The following CNGA3 variants were observed in gnomAD, a reference collection of about 807,000 sequenced individuals.
CNGA3 encodes the protein cyclic nucleotide-gated channel alpha-3.
In CNGA3, 42 loss-of-function variants were observed where a neutral mutation model predicts 46.6. That is an observed-to-expected ratio of 0.90 (90% CI 0.70 to 1.17). The LOEUF is 1.17. CNGA3 is among the 50% of genes most tolerant of loss of function. The pLI, the probability that CNGA3 is intolerant of heterozygous loss-of-function variation, is 0.00. For missense variants in CNGA3, 893 were observed against 890.7 expected, an observed-to-expected ratio of 1.00 and a Z score of -0.03; for synonymous variants, 394 against 369.4, an observed-to-expected ratio of 1.07 and a Z score of -0.76.
At chr2:98,368,089 T>C (rs1692203387) in intron 1 of CNGA3, among the ~76,000 whole-genome samples, 2 of 152,248 alleles carry the variant, frequency 1.3e-5, no homozygotes, top group African/African-American at 2.4e-5. Flanking sequence ...ATAAAGTGTT[T>C]AAAAATCAAA....
chr2:98,377,883 T>C (rs1210264131), intron 3 of CNGA3, 83 bp downstream of exon 3: 5 of 1,366,120 alleles, frequency 3.7e-6, no homozygotes, highest in Admixed American at 4.3e-5. Flanking sequence ...GAAAAAGTGC[T>C]AGATGGGGGT....
rs1166812591 is a variant in CNGA3 at position 98,378,156 on chromosome 2, A to G, written c.215+356A>G. The stretch of plus-strand genomic sequence containing the variant: ...GGGTGGACACAGTGGTGTGCTGAGG[A>G]TGGTGGTGATGAGTCTGAAATGGCT... On this transcript the variant is annotated intron_variant, in intron 3 of 7. Transcript: ENST00000272602. 2.6e-6 allele frequency: 4 copies of G among 1,550,668 alleles called. No homozygotes were observed. The South Asian group carries it at 3.6e-5, about 14-fold the overall frequency.
chr2:98,376,771 G>A (rs1692413856), intron 2 of CNGA3, among the ~76,000 whole-genome samples: 1 of 152,206 alleles, frequency 6.6e-6, no homozygotes, highest in Admixed American at 6.5e-5. Flanking sequence ...AAGACTCATA[G>A]ACTGAAGTGC....
chr2:98,391,735 C>A, intron 6 of CNGA3, 129 bp from the exon 7 acceptor site: 1 of 808,790 alleles, frequency 1.2e-6, no homozygotes, highest in Non-Finnish European at 2.1e-6. Flanking sequence ...GAGGTAGTGA[C>A]ACCGCAGGCA....
At chr2:98,372,909 C>T (rs982403055) in intron 2 of CNGA3, among the ~76,000 whole-genome samples, 2 of 152,200 alleles carry the variant, frequency 1.3e-5, no homozygotes, top group Non-Finnish European at 2.9e-5. Context: ...ACTCAGGTCT[C>T]GGCCCCACCC....
chr2:98,369,854 G>A (rs1164382682), intron 1 of CNGA3, 85 bp from the exon 2 acceptor site: 13 of 823,992 alleles, frequency 1.6e-5, no homozygotes, highest in East Asian at 7.9e-5. Flanking sequence ...GGGGGGCCGC[G>A]TGCGGTAGCC....
At chr2:98,378,087 C>T (rs764816629) in intron 3 of CNGA3, 59 of 1,550,718 alleles carry the variant, frequency 3.8e-5, no homozygotes, top group African/African-American at 1.1e-4. Context: ...AAAAGCCAAC[C>T]GGAGAAGGTG....
Position 98,396,502 on chromosome 2 carries a change from G to A in CNGA3, c.1332G>A (p.Leu444=), listed in dbSNP as rs765904277. The A allele has an allele frequency of 6.2e-6, 10 of 1,613,962 alleles. 1 individual carries two copies. The South Asian group carries it at 1.1e-4, about 18-fold the overall frequency. ...GGGTTATCCGGTGGTTTGACTACCT[G>A]TGGGCCAACAAGAAGACGGTGGATG... ...ETRVIRWFDY[L]WANKKTVDEK... Residue 444 remains leucine, a synonymous_variant, in exon 8 of 8, where the codon CTG becomes CTA. Transcript: ENST00000272602.
intron 4 of CNGA3, among the ~76,000 whole-genome samples, chr2:98,381,380 G>A (rs576292391): frequency 1.3e-5 from 2 of 152,276 alleles, no homozygotes; most frequent in Admixed American, 6.5e-5. Context: ...CTATCTGTAT[G>A]TCAATGAGGA....
intron 5 of CNGA3, 122 bp from the exon 6 acceptor site, chr2:98,389,536 G>GA: frequency 1.2e-6 from 1 of 846,244 alleles, no homozygotes; most frequent in Non-Finnish European, 2.0e-6. Flanking sequence ...GAGACTAAGA[G>GA]GACCCTGTTG....
At chr2:98,352,562 A>G (rs1409743993) in intron 1 of CNGA3, among the ~76,000 whole-genome samples, 7 of 152,158 alleles carry the variant, frequency 4.6e-5, no homozygotes, top group Admixed American at 4.6e-4. Flanking sequence ...TGTATGTATC[A>G]TCTTGCCTGG....
chr2:98,383,185 C>T lies in CNGA3; in HGVS notation c.396-203C>T, dbSNP rs149609488. ...GTTTAGCCATGTTCACTCTCTCTTC[C>T]CCCAAGGCTTTTACCCGAGGTAACT... On this transcript the variant is annotated intron_variant, in intron 4 of 7. Transcript: ENST00000272602. Among the ~76,000 whole-genome samples the T allele has an allele frequency of 4.8e-3, 727 of 152,302 alleles. 4 individuals carry two copies. The highest frequency in any genetic ancestry group is 0.017 in the African/African-American group (689 of 41,558).
At chr2:98,379,046 C>T (rs1457820674) in intron 3 of CNGA3, among the ~76,000 whole-genome samples, 1 of 152,226 alleles carries the variant, frequency 6.6e-6, no homozygotes, top group Non-Finnish European at 1.5e-5. Flanking sequence ...GTTGTCTGTC[C>T]TAGTCCCATT....
At position 98,389,785 on chromosome 2, in the gene CNGA3, G is replaced by A. The variant is rs377222157; in HGVS notation, c.566+11G>A. ...TCTGCTTATTTGCAGGTAAGCGACAGGGGTGGAAGGTGCAGCGGAAAGGGG... is the reference window on the plus strand; with the variant it reads ...TCTGCTTATTTGCAGGTAAGCGACAAGGGTGGAAGGTGCAGCGGAAAGGGG... On this transcript the variant is annotated intron_variant, in intron 6 of 7. Transcript: ENST00000272602. The A allele has an allele frequency of 8.1e-6, 13 of 1,606,082 alleles. No individual in the cohort carries two copies. In the African/African-American group the frequency reaches 1.6e-4, roughly 20 times the overall value.
At position 98,366,155 on chromosome 2, in the gene CNGA3, A is replaced by G. The variant is rs571680053; in HGVS notation, c.-37-3784A>G. On this transcript the variant is annotated intron_variant, in intron 1 of 7. Transcript: ENST00000272602. ...CTCAATAGTCAGACCCTTCTTTTGT[A>G]GGGCTGCTGCAGTTTGCTGGGGATC... 3.3e-5 allele frequency among the ~76,000 whole-genome samples: 5 copies of G among 152,222 alleles called. No individual in the cohort carries two copies. The East Asian group carries it at 9.7e-4, about 29-fold the overall frequency.
intron 5 of CNGA3, among the ~76,000 whole-genome samples, chr2:98,386,751 G>A (rs1275973109): frequency 6.6e-6 from 1 of 152,200 alleles, no homozygotes; most frequent in Non-Finnish European, 1.5e-5. Context: ...GTGTGAGGGG[G>A]ACTCGACCCA....
intron 7 of CNGA3, 68 bp downstream of exon 7, chr2:98,392,038 G>T: frequency 2.2e-6 from 3 of 1,378,506 alleles, no homozygotes; most frequent in Non-Finnish European, 3.1e-6. Flanking sequence ...GACCCAGCAT[G>T]GTGGATGGGA....
chr2:98,368,814 G>T (rs1692221153), intron 1 of CNGA3, among the ~76,000 whole-genome samples: 1 of 152,200 alleles, frequency 6.6e-6, no homozygotes, highest in South Asian at 2.1e-4. Flanking sequence ...GCTTAGGGAT[G>T]AAATCACAGG....
intron 4 of CNGA3, among the ~76,000 whole-genome samples, chr2:98,380,928 A>G (rs922395359): frequency 2.0e-5 from 3 of 152,178 alleles, no homozygotes; most frequent in Non-Finnish European, 4.4e-5. Context: ...TGGTGAGAGT[A>G]GAGCGAGGTG....
Sources: gnomAD v4.1 joint callset for allele counts (sites outside exome capture counted in the v4.1 genomes callset) on GRCh38, gnomAD v4.1.1 for gene constraint, MANE v1.5 for transcripts, NCBI Gene and HGNC (gene_info 2026-07-23, HGNC 2026-07-21) for gene names.